The following SLC16A10 variants were observed in gnomAD, a reference collection of about 807,000 sequenced individuals.
SLC16A10 encodes the protein monocarboxylate transporter 10.
SLC16A10 carries 27 observed loss-of-function variants against 40.0 expected under a neutral mutation model. That is an observed-to-expected ratio of 0.67 (90% CI 0.50 to 0.93). The LOEUF (loss-of-function observed/expected upper bound fraction) is 0.93. SLC16A10 is among the 40% of genes least tolerant of loss of function. The probability of loss-of-function intolerance (pLI) is 0.00; values close to 1 mark genes in which losing one functional copy is unlikely to be tolerated. For missense variants in SLC16A10, 529 were observed against 658.2 expected (o/e 0.80, Z 2.15); for synonymous variants, 213 against 249.8 (o/e 0.85, Z 1.39).
intron 1 of SLC16A10, among the ~76,000 whole-genome samples, chr6:111,140,342 A>C (rs1771959560): frequency 6.6e-6 from 1 of 152,144 alleles, no homozygotes; most frequent in African/African-American, 2.4e-5. Context: ...GTGCACCTGT[A>C]GTCCCAGCCC....
Position 111,227,242 on chromosome 6 carries a change from C to G in SLC16A10, c.*5007C>G, listed in dbSNP as rs1363891576. ...AGAATGGTTCTGGAGCAAATAATAA[C>G]AAGGTAGACAAGCAGGCCCTGGGCT... On this transcript the variant is annotated 3_prime_UTR_variant, in exon 6 of 6. Coordinates refer to ENST00000368851, the MANE Select transcript of SLC16A10 (RefSeq NM_018593.5). 1 of 152,206 alleles carries G rather than the reference C, an allele frequency of 6.6e-6. No individual in the cohort carries two copies. Among genetic ancestry groups the G allele is most frequent in the Non-Finnish European group, 1.5e-5 (1 of 68,036 alleles). The allele number at this position is 152,206 out of a possible 1,614,324, so 9.4% of individuals were successfully genotyped here.
chr6:111,106,221 A>G (rs1487424089), intron 1 of SLC16A10, among the ~76,000 whole-genome samples: 1 of 152,238 alleles, frequency 6.6e-6, no homozygotes, highest in Non-Finnish European at 1.5e-5. Context: ...ATGCCAACAC[A>G]TCAGACAAGA....
rs190376740 is a variant in SLC16A10 at position 111,136,652 on chromosome 6, G to A, written c.344-36043G>A. 2.0e-4 allele frequency among the ~76,000 whole-genome samples: 31 copies of A among 152,292 alleles called. No individual in the cohort carries two copies. The East Asian group carries it at 3.7e-3, about 18-fold the overall frequency. On this transcript the variant is annotated intron_variant, in intron 1 of 5. Coordinates refer to ENST00000368851, the MANE Select transcript of SLC16A10 (RefSeq NM_018593.5). ...ACAAGTAATTGCTCAAACCTACGCC[G>A]CTTGAGGGGACCTTCTAGTGGTTCC... is the stretch of plus-strand genomic sequence containing the variant.
At chr6:111,205,275 G>A (rs1773236027) in intron 3 of SLC16A10, among the ~76,000 whole-genome samples, 2 of 152,192 alleles carry the variant, frequency 1.3e-5, no homozygotes, top group Non-Finnish European at 2.9e-5. Context: ...CACCCAGAAA[G>A]TCTATGCACT....
intron 5 of SLC16A10, among the ~76,000 whole-genome samples, chr6:111,220,901 A>G (rs533970688): frequency 6.6e-6 from 1 of 152,366 alleles, no homozygotes; most frequent in East Asian, 1.9e-4. Flanking sequence ...AGGGCATCAT[A>G]GTATTACAGC....
chr6:111,132,441 C>A (rs981719650), intron 1 of SLC16A10, among the ~76,000 whole-genome samples: 1 of 152,222 alleles, frequency 6.6e-6, no homozygotes, highest in Non-Finnish European at 1.5e-5. Flanking sequence ...CCACTGACAA[C>A]CTATCAAAAT....
chr6:111,228,322 G>T lies in SLC16A10; in HGVS notation c.*6087G>T, dbSNP rs1771045149. ...TCCTTCCTAGTAGAACAAGGACTGGGACAATGAATTTTTGACTCACTGGAG... is the reference window on the plus strand; with the variant it reads ...TCCTTCCTAGTAGAACAAGGACTGGTACAATGAATTTTTGACTCACTGGAG... On this transcript the variant is annotated 3_prime_UTR_variant, in exon 6 of 6. Transcript: ENST00000368851. 1 of 152,194 alleles carries T rather than the reference G, an allele frequency of 6.6e-6. No homozygotes were observed. The highest frequency in any genetic ancestry group is 2.1e-4 in the South Asian group (1 of 4,836). The allele number at this position is 152,194 out of a possible 1,614,324, so 9.4% of individuals were successfully genotyped here.
At chr6:111,132,649 T>C (rs1771804719) in intron 1 of SLC16A10, among the ~76,000 whole-genome samples, 1 of 152,268 alleles carries the variant, frequency 6.6e-6, no homozygotes, top group African/African-American at 2.4e-5. Context: ...AATATGGGGC[T>C]CTTCTGTTAG....
At chr6:111,139,206 C>T (rs1020107591) in intron 1 of SLC16A10, among the ~76,000 whole-genome samples, 1 of 151,634 alleles carries the variant, frequency 6.6e-6, no homozygotes, top group Non-Finnish European at 1.5e-5. Context: ...AATGCTCCAT[C>T]CATGTTACTG....
intron 1 of SLC16A10, among the ~76,000 whole-genome samples, chr6:111,101,818 G>A (rs909379749): frequency 2.0e-5 from 3 of 152,082 alleles, no homozygotes; most frequent in African/African-American, 4.8e-5. Flanking sequence ...ACAGGGTTTC[G>A]CCGTGTTGGC....
At position 111,206,662 on chromosome 6, in the gene SLC16A10, C is replaced by G. The variant is rs1206934888; in HGVS notation, c.1013C>G (p.Thr338Ser). The G allele has an allele frequency of 6.2e-7, 1 of 1,614,150 alleles. No individual in the cohort carries two copies. The highest frequency in any genetic ancestry group is 1.1e-5 in the South Asian group (1 of 91,078). ...KEVVLMCIGV[T>S]SGVGRLLFGR... The stretch of plus-strand genomic sequence containing the variant: ...GTTGTTCTCATGTGCATTGGCGTCA[C>G]TTCAGGAGTTGGACGACTGCTCTTT... The change falls in exon 4 of 6, where the codon ACT becomes AGT. Residue 338 changes from threonine (T) to serine (S), a missense_variant. Thr to Ser is a moderately conservative substitution (Grantham distance 58). Coordinates refer to ENST00000368851, the MANE Select transcript of SLC16A10 (RefSeq NM_018593.5).
intron 4 of SLC16A10, among the ~76,000 whole-genome samples, chr6:111,206,977 T>G (rs551164167): frequency 9.7e-4 from 148 of 152,300 alleles, no homozygotes; most frequent in African/African-American, 3.3e-3. Context: ...TACAGGCGTG[T>G]GCCACCACAC....
chr6:111,177,449 T>A lies in SLC16A10; in HGVS notation c.726T>A (p.Phe242Leu). 1 of 1,614,150 alleles carries A rather than the reference T, an allele frequency of 6.2e-7. No individual in the cohort carries two copies. Among genetic ancestry groups the A allele is most frequent in the Non-Finnish European group, 8.5e-7 (1 of 1,180,014 alleles). Residue 242 changes from phenylalanine to leucine, a missense_variant, in exon 3 of 6, where the codon TTT (phenylalanine) becomes TTA (leucine). By Grantham distance (22) the Phe-to-Leu change is conservative (BLOSUM62 0). Coordinates refer to ENST00000368851, the MANE Select transcript of SLC16A10 (RefSeq NM_018593.5). ...YTLRVLCIFM[F>L]VLFLAGFTYR... ...TGAGGGTGCTCTGCATCTTCATGTT[T>A]GTTCTCTTTCTGGCTGGCTTTACTT...
chr6:111,170,200 GCC>G (rs1772559299), intron 1 of SLC16A10, among the ~76,000 whole-genome samples: 1 of 151,960 alleles, frequency 6.6e-6, no homozygotes. Context: ...ACAGGTGTGA[GCC>G]ACCATGCCCG....
Position 111,228,285 on chromosome 6 carries a change from T to C in SLC16A10, c.*6050T>C, listed in dbSNP as rs988525568. ...CCTGACAACTTACACATTAAACTCC[T>C]GTAAGAGACACTCCTTCCTAGTAGA... On this transcript the variant is annotated 3_prime_UTR_variant, in exon 6 of 6. Transcript: ENST00000368851. 2 of 152,334 alleles carry C rather than the reference T, an allele frequency of 1.3e-5. No homozygotes were observed. The highest frequency in any genetic ancestry group is 2.9e-5 in the Non-Finnish European group (2 of 68,032). The allele number at this position is 152,334 out of a possible 1,614,324, so 9.4% of individuals were successfully genotyped here. A position where few individuals can be genotyped will look rare whatever the true frequency, so the allele number is the denominator to read the frequency against.
chr6:111,126,499 A>G (rs1001728997), intron 1 of SLC16A10, among the ~76,000 whole-genome samples: 2 of 152,194 alleles, frequency 1.3e-5, no homozygotes, highest in Non-Finnish European at 2.9e-5. Flanking sequence ...TCATGCTACT[A>G]CTGAGCACTG....
chr6:111,089,069 C>G (rs1770927204), intron 1 of SLC16A10, among the ~76,000 whole-genome samples: 1 of 151,986 alleles, frequency 6.6e-6, no homozygotes, highest in African/African-American at 2.4e-5. Flanking sequence ...AACCTCCCTC[C>G]CCATCATTTG....
intron 1 of SLC16A10, among the ~76,000 whole-genome samples, chr6:111,142,098 G>A (rs1267188601): frequency 6.6e-6 from 1 of 152,148 alleles, no homozygotes; most frequent in Admixed American, 6.5e-5. Flanking sequence ...ACTGTAGACT[G>A]ACAGTGTCCT....
chr6:111,098,773 G>A (rs982869154), intron 1 of SLC16A10, among the ~76,000 whole-genome samples: 6 of 152,146 alleles, frequency 3.9e-5, no homozygotes, highest in Admixed American at 3.3e-4. Context: ...TTTAAACAAC[G>A]ACATTCCACA....
Sources: allele counts gnomAD v4.1 joint callset (sites outside exome capture counted in the v4.1 genomes callset), GRCh38; gene constraint gnomAD v4.1.1; transcripts MANE v1.5; gene names NCBI Gene and HGNC (gene_info 2026-07-23, HGNC 2026-07-21).